The following THSD7B variants were observed in gnomAD, a reference collection of about 807,000 sequenced individuals.
THSD7B encodes the protein thrombospondin type 1 domain containing 7B, also known as thrombospondin type-1 domain-containing protein 7B.
THSD7B carries 138 observed loss-of-function variants against 213.6 expected under a neutral mutation model. The ratio of observed to expected loss-of-function variants is 0.65; its 90% CI spans 0.56 to 0.74. The LOEUF (loss-of-function observed/expected upper bound fraction) is 0.74, where lower values mean the gene tolerates loss of function less well. Ranked by LOEUF, THSD7B falls within the 30% of genes least tolerant of loss-of-function variation. The pLI is 0.00. For synonymous variants in THSD7B, 742 were observed against 687.0 expected, an observed-to-expected ratio of 1.08 and a Z score of -1.25; for missense variants, 1,931 against 1,991.5, an observed-to-expected ratio of 0.97 and a Z score of 0.58.
At chr2:137,223,477 C>T (rs6722499) in intron 7 of THSD7B, among the ~76,000 whole-genome samples, 52,664 of 151,828 alleles carry the variant, frequency 0.35, 9,708 homozygotes, top group East Asian at 0.49. Context: ...AATGAAATAT[C>T]GAGTTTTACC....
At chr2:137,018,757 A>T (rs1042469039) in intron 2 of THSD7B, among the ~76,000 whole-genome samples, 4 of 152,216 alleles carry the variant, frequency 2.6e-5, no homozygotes, top group Non-Finnish European at 5.9e-5. Context: ...AATCATTAAT[A>T]TTTAAAAAGT....
intron 1 of THSD7B, among the ~76,000 whole-genome samples, chr2:136,839,199 C>T (rs1395181121): frequency 1.3e-5 from 2 of 152,298 alleles, no homozygotes; most frequent in African/African-American, 4.8e-5. Context: ...ACTAGAGTTT[C>T]CTCATACACT....
intron 12 of THSD7B, among the ~76,000 whole-genome samples, chr2:137,385,074 A>T (rs552707316): frequency 6.6e-6 from 1 of 152,214 alleles, no homozygotes; most frequent in Admixed American, 6.5e-5. Context: ...AGCTTCAAAG[A>T]ATTTTCCTGC....
At chr2:136,778,419 A>G (rs1681653889) in intron 1 of THSD7B, among the ~76,000 whole-genome samples, 1 of 151,938 alleles carries the variant, frequency 6.6e-6, no homozygotes, top group Non-Finnish European at 1.5e-5. Context: ...CCTCTGTATC[A>G]TGTTCACCCA....
At chr2:137,119,366 T>C (rs988403341) in intron 5 of THSD7B, among the ~76,000 whole-genome samples, 1 of 152,222 alleles carries the variant, frequency 6.6e-6, no homozygotes, top group Non-Finnish European at 1.5e-5. Flanking sequence ...AGGCTTTTAG[T>C]TGTAATAATA....
chr2:136,957,838 T>C (rs1685153727), intron 2 of THSD7B, among the ~76,000 whole-genome samples: 1 of 152,234 alleles, frequency 6.6e-6, no homozygotes. Flanking sequence ...AGCCTAAATA[T>C]GGTCAGTATT....
intron 10 of THSD7B, among the ~76,000 whole-genome samples, chr2:137,250,086 C>G (rs1329164398): frequency 6.6e-6 from 1 of 152,154 alleles, no homozygotes. Context: ...TCCTGGTGCT[C>G]CTGTTCAGCT....
intron 12 of THSD7B, among the ~76,000 whole-genome samples, chr2:137,285,672 C>T (rs2104825376): frequency 6.6e-6 from 1 of 151,266 alleles, no homozygotes; most frequent in African/African-American, 2.4e-5. Flanking sequence ...GCAATAATAC[C>T]TGGTATTTAA....
chr2:137,220,294 A>C (rs1024788263), intron 7 of THSD7B, among the ~76,000 whole-genome samples: 4 of 152,168 alleles, frequency 2.6e-5, no homozygotes, highest in African/African-American at 9.6e-5. Flanking sequence ...TGTGACAAAT[A>C]ATTTCTTTCT....
chr2:137,293,254 T>C (rs1303316406), intron 12 of THSD7B, among the ~76,000 whole-genome samples: 2 of 151,878 alleles, frequency 1.3e-5, no homozygotes, highest in Admixed American at 1.3e-4. Context: ...TTCTTTCACC[T>C]CAGCCTCCCA....
intron 5 of THSD7B, among the ~76,000 whole-genome samples, chr2:137,141,295 G>T (rs1679579559): frequency 6.6e-6 from 1 of 152,102 alleles, no homozygotes; most frequent in South Asian, 2.1e-4. Context: ...AAGCTTGAGA[G>T]CAGGGATAAG....
chr2:137,654,017 T>C (rs1422765270), intron 21 of THSD7B, among the ~76,000 whole-genome samples: 2 of 152,150 alleles, frequency 1.3e-5, no homozygotes, highest in Admixed American at 6.5e-5. Context: ...GCTTAGCTAT[T>C]AATTCCAGGC....
intron 2 of THSD7B, among the ~76,000 whole-genome samples, chr2:136,897,831 C>T (rs909148845): frequency 4.0e-5 from 6 of 151,010 alleles, no homozygotes; most frequent in African/African-American, 1.5e-4. Flanking sequence ...CAGCTAGACA[C>T]AGAACGCTGT....
At chr2:137,313,799 G>T (rs961072809) in intron 12 of THSD7B, among the ~76,000 whole-genome samples, 1 of 152,130 alleles carries the variant, frequency 6.6e-6, no homozygotes, top group Non-Finnish European at 1.5e-5. Flanking sequence ...ATTCTGGGTT[G>T]AAAATTCTTT....
At chr2:136,907,555 A>G (rs1048500727) in intron 2 of THSD7B, among the ~76,000 whole-genome samples, 1 of 152,234 alleles carries the variant, frequency 6.6e-6, no homozygotes, top group African/African-American at 2.4e-5. Flanking sequence ...AATGATAAAT[A>G]AGAACCATGA....
intron 10 of THSD7B, among the ~76,000 whole-genome samples, chr2:137,260,648 C>T (rs1573917786): frequency 2.6e-5 from 4 of 152,078 alleles, no homozygotes; most frequent in Admixed American, 1.3e-4. Context: ...TCCTGTAGTC[C>T]CAGCTACTCT....
At chr2:137,202,068 A>G (rs1680888222) in intron 7 of THSD7B, among the ~76,000 whole-genome samples, 1 of 152,018 alleles carries the variant, frequency 6.6e-6, no homozygotes. Context: ...GTATTGTGTA[A>G]TTTCACATTC....
At chr2:137,076,732 C>T (rs1224415490) in intron 3 of THSD7B, among the ~76,000 whole-genome samples, 3 of 152,186 alleles carry the variant, frequency 2.0e-5, no homozygotes, top group Non-Finnish European at 2.9e-5. Flanking sequence ...ATCTTGGCTC[C>T]TCCCCTCCCA....
intron 14 of THSD7B, among the ~76,000 whole-genome samples, chr2:137,416,110 G>C (rs1686793352): frequency 6.6e-6 from 1 of 152,122 alleles, no homozygotes; most frequent in African/African-American, 2.4e-5. Context: ...TGGTAATTTT[G>C]TCTCCAAAGT....
Sources: allele counts gnomAD v4.1 joint callset (sites outside exome capture counted in the v4.1 genomes callset), GRCh38; gene constraint gnomAD v4.1.1; transcripts MANE v1.5; gene names NCBI Gene and HGNC (gene_info 2026-07-23, HGNC 2026-07-21).